Variants in FBXW4 observed in about 807,000 individuals in gnomAD.
FBXW4 encodes F-box and WD repeat domain containing 4.
FBXW4 carries 40 observed loss-of-function variants against 61.8 expected under a neutral mutation model. The ratio of observed to expected loss-of-function variants is 0.65; its 90% CI spans 0.50 to 0.84. The LOEUF (loss-of-function observed/expected upper bound fraction) is 0.84, where lower values mean the gene tolerates loss of function less well. FBXW4 is among the 40% of genes least tolerant of loss of function. FBXW4 has a pLI of 0.00. For synonymous variants in FBXW4, 311 were observed against 313.8 expected, an observed-to-expected ratio of 0.99 and a Z score of 0.10; for missense variants, 672 against 753.8, an observed-to-expected ratio of 0.89 and a Z score of 1.27.
At chr10:101,685,081 C>A (rs1419054450) in intron 1 of FBXW4, among the ~76,000 whole-genome samples, 1 of 152,178 alleles carries the variant, frequency 6.6e-6, no homozygotes, top group Non-Finnish European at 1.5e-5. Flanking sequence ...CATTCATATA[C>A]CCACACTTTC....
intron 5 of FBXW4, among the ~76,000 whole-genome samples, chr10:101,647,173 G>A (rs2064107374): frequency 6.6e-6 from 1 of 152,178 alleles, no homozygotes; most frequent in Admixed American, 6.5e-5. Flanking sequence ...GCCTGGGCAG[G>A]GATGCCTACA....
In FBXW4 at chr10:101,674,158, C is replaced by T. The variant is rs944922247; in HGVS notation, c.822-485G>A. 2.6e-5 allele frequency among the ~76,000 whole-genome samples: 4 copies of T among 151,962 alleles called. No homozygotes were observed. The South Asian group carries it at 8.3e-4, about 32-fold the overall frequency. On this transcript the variant is annotated intron_variant, in intron 2 of 8. Coordinates refer to ENST00000331272, the MANE Select transcript of FBXW4 (RefSeq NM_022039.4). ...CAGCCTGACCAACATGATAAAACCC[C>T]GTCTCTACTAAAAATACAAAATTAG...
intron 4 of FBXW4, 128 bp downstream of exon 4, chr10:101,672,787 C>T: frequency 8.7e-7 from 1 of 1,143,260 alleles, no homozygotes; most frequent in South Asian, 1.8e-5. Context: ...TAAGTGAGTC[C>T]TTTATTGTGT....
intron 2 of FBXW4, 93 bp from the exon 3 acceptor site, chr10:101,673,766 A>C: frequency 8.3e-7 from 1 of 1,209,204 alleles, no homozygotes; most frequent in Non-Finnish European, 1.2e-6. Context: ...TCCCCAACTT[A>C]GTAAGGATAA....
intron 5 of FBXW4, chr10:101,660,219 T>G (rs1016767541): frequency 2.0e-6 from 2 of 985,102 alleles, no homozygotes; most frequent in African/African-American, 3.5e-5. Context: ...CTATTACATC[T>G]TGTACCTCCA....
chr10:101,620,764 C>A (rs1346623707), intron 6 of FBXW4, among the ~76,000 whole-genome samples: 1 of 152,158 alleles, frequency 6.6e-6, no homozygotes, highest in Non-Finnish European at 1.5e-5. Flanking sequence ...AGGCATGAGC[C>A]ACCATGCCTG....
intron 5 of FBXW4, among the ~76,000 whole-genome samples, chr10:101,647,154 G>A (rs926216593): frequency 6.6e-6 from 1 of 152,218 alleles, no homozygotes; most frequent in Non-Finnish European, 1.5e-5. Flanking sequence ...CATGTTTTCT[G>A]GGTCCCAGGC....
chr10:101,686,643 C>T (rs1171133144), intron 1 of FBXW4, among the ~76,000 whole-genome samples: 1 of 152,122 alleles, frequency 6.6e-6, no homozygotes, highest in Non-Finnish European at 1.5e-5. Context: ...TGCTCTGCTT[C>T]CCAGGGTTGT....
At chr10:101,642,708 A>G (rs1046790813) in intron 5 of FBXW4, among the ~76,000 whole-genome samples, 1 of 152,204 alleles carries the variant, frequency 6.6e-6, no homozygotes, top group African/African-American at 2.4e-5. Context: ...TTTCTGGGAA[A>G]AGTCTGCCCC....
chr10:101,681,502 G>C (rs2064475991), intron 1 of FBXW4, among the ~76,000 whole-genome samples: 1 of 150,876 alleles, frequency 6.6e-6, no homozygotes, highest in African/African-American at 2.4e-5. Flanking sequence ...CGGATCACGA[G>C]GTCAGGAGAC....
intron 1 of FBXW4, among the ~76,000 whole-genome samples, chr10:101,692,512 T>C (rs2064617653): frequency 6.6e-6 from 1 of 151,744 alleles, no homozygotes; most frequent in South Asian, 2.1e-4. Flanking sequence ...TCCCAGCACT[T>C]TGGGAGGCCG....
At chr10:101,670,623 G>A (rs1350734832) in intron 4 of FBXW4, among the ~76,000 whole-genome samples, 1 of 152,238 alleles carries the variant, frequency 6.6e-6, no homozygotes, top group East Asian at 1.9e-4. Flanking sequence ...CTAAGGATAA[G>A]AGGCTTTATC....
rs150768038 is a variant in FBXW4, at chr10:101,636,989, C to T, written c.1236-12179G>A. Among the ~76,000 whole-genome samples the T allele has an allele frequency of 5.3e-5, 8 of 152,118 alleles. No individual in the cohort carries two copies. In the South Asian group the frequency reaches 1.0e-3, roughly 20 times the overall value. ...ATATTTGCTTCAAAATAATATGGGA[C>T]GGGAAAGTGTGTAGGGATTAATGGA... On this transcript the variant is annotated intron_variant, in intron 5 of 8. Coordinates refer to ENST00000331272, the MANE Select transcript of FBXW4 (RefSeq NM_022039.4).
chr10:101,637,201 G>C (rs2134837236), intron 5 of FBXW4, among the ~76,000 whole-genome samples: 1 of 147,042 alleles, frequency 6.8e-6, no homozygotes, highest in South Asian at 2.2e-4. Context: ...GGCTAACATG[G>C]TGAAACCCCA....
chr10:101,672,685 G>A (rs1345350070), intron 4 of FBXW4, among the ~76,000 whole-genome samples: 1 of 152,196 alleles, frequency 6.6e-6, no homozygotes, highest in Non-Finnish European at 1.5e-5. Context: ...CATTGCAAGT[G>A]AGTGGCAACC....
chr10:101,662,350 A>C (rs12255825), intron 5 of FBXW4, among the ~76,000 whole-genome samples: 23,351 of 152,154 alleles, frequency 0.15, 2,079 homozygotes, highest in Middle Eastern at 0.22. Context: ...AAATGAAGCA[A>C]GAAGGGGCAG....
chr10:101,656,148 C>G (rs1411479361), intron 5 of FBXW4, among the ~76,000 whole-genome samples: 1 of 152,194 alleles, frequency 6.6e-6, no homozygotes, highest in South Asian at 2.1e-4. Flanking sequence ...GAAAAGCTCA[C>G]CCTCCACACT....
chr10:101,694,136 G>C lies in FBXW4; in HGVS notation c.725+245C>G, dbSNP rs887294424. ...CCTAAGATGGCTAATTGTGAGGAGC[G>C]GCCCACCCGGGAGGGTGCCTACTGA... On this transcript the variant is annotated intron_variant, in intron 1 of 8. Transcript: ENST00000331272. This position sits in a 1 kb window ranked among gnomAD's most constrained non-coding sequence, Gnocchi z 6.0. 6.6e-6 allele frequency among the ~76,000 whole-genome samples: 1 copy of C among 152,094 alleles called. No homozygotes were observed. The highest frequency in any genetic ancestry group is 1.5e-5 in the Non-Finnish European group (1 of 67,996).
chr10:101,650,237 CACTT>C (rs2064134914), intron 5 of FBXW4, among the ~76,000 whole-genome samples: 1 of 152,172 alleles, frequency 6.6e-6, no homozygotes, highest in African/African-American at 2.4e-5. Flanking sequence ...AAAATGCCTC[CACTT>C]AGGCCCTAGT....
Sources: allele counts gnomAD v4.1 joint callset (sites outside exome capture counted in the v4.1 genomes callset), GRCh38; gene constraint gnomAD v4.1.1; non-coding constraint Gnocchi (gnomAD v3.1); transcripts MANE v1.5; gene names NCBI Gene and HGNC (gene_info 2026-07-23, HGNC 2026-07-21).